The following MBD5 variants were observed in gnomAD, a reference collection of about 807,000 sequenced individuals.
The protein encoded by MBD5 is methyl-CpG binding domain protein 5.
In MBD5, 13 loss-of-function variants were observed where a neutral mutation model predicts 117.3. That is an observed-to-expected ratio of 0.11 (90% CI 0.07 to 0.18). The LOEUF is 0.18. Among genes scored for constraint, MBD5 ranks in the 10% least tolerant of loss-of-function variants. MBD5 has a pLI of 1.00. For synonymous variants in MBD5, 727 were observed against 766.4 expected (o/e 0.95, Z 0.85); for missense variants, 1,879 against 2,093.8 (o/e 0.90, Z 2.00).
intron 4 of MBD5, among the ~76,000 whole-genome samples, chr2:148,372,605 T>A (rs1334397298): frequency 6.6e-6 from 1 of 151,944 alleles, no homozygotes; most frequent in Non-Finnish European, 1.5e-5. Flanking sequence ...TTATGATATG[T>A]TGTTTGAGAA....
At chr2:148,141,361 A>G (rs931154333) in intron 1 of MBD5, among the ~76,000 whole-genome samples, 2 of 152,138 alleles carry the variant, frequency 1.3e-5, no homozygotes, top group South Asian at 2.1e-4. Flanking sequence ...TTAACCCCCA[A>G]TAAACTCCAC....
Position 148,152,344 on chromosome 2 carries a change from A to G in MBD5, c.-924-26356A>G, listed in dbSNP as rs1016732625. On this transcript the variant is annotated intron_variant, in intron 1 of 13. Transcript: ENST00000642680. ...CTCTGTTCTTTTACATTTGCTGAGG[A>G]GAGCTTTACTTCCAAGTTTGTGGTC... 3.3e-5 allele frequency among the ~76,000 whole-genome samples: 5 copies of G among 152,226 alleles called. No homozygotes were observed. In the East Asian group the frequency reaches 9.7e-4, roughly 29 times the overall value.
At chr2:148,429,760 A>G (rs1705926037) in intron 4 of MBD5, among the ~76,000 whole-genome samples, 1 of 152,016 alleles carries the variant, frequency 6.6e-6, no homozygotes, top group Non-Finnish European at 1.5e-5. Flanking sequence ...AAAACCAAAC[A>G]CCATATGTTC....
At chr2:148,149,787 G>C (rs1697590665) in intron 1 of MBD5, among the ~76,000 whole-genome samples, 1 of 151,830 alleles carries the variant, frequency 6.6e-6, no homozygotes, top group Non-Finnish European at 1.5e-5. Context: ...TGATGGGGTT[G>C]TTTGTTTTTT....
At chr2:148,294,373 C>T (rs1392686490) in intron 3 of MBD5, among the ~76,000 whole-genome samples, 12 of 150,824 alleles carry the variant, frequency 8.0e-5, no homozygotes, top group African/African-American at 2.7e-4. Flanking sequence ...TACAGGTGCC[C>T]GCCACCACGC....
intron 1 of MBD5, among the ~76,000 whole-genome samples, chr2:148,052,986 AG>A (rs1329723199): frequency 6.8e-6 from 1 of 147,452 alleles, no homozygotes; most frequent in African/African-American, 2.5e-5. Context: ...AAAAAAAGAG[AG>A]AGACAATGTG....
chr2:148,029,844 C>T (rs1693990560), intron 1 of MBD5, among the ~76,000 whole-genome samples: 1 of 151,904 alleles, frequency 6.6e-6, no homozygotes, highest in Non-Finnish European at 1.5e-5. Flanking sequence ...TTATTGACAT[C>T]CAAGTTTATA....
intron 3 of MBD5, among the ~76,000 whole-genome samples, chr2:148,293,391 G>A (rs1420411637): frequency 6.6e-6 from 1 of 152,118 alleles, no homozygotes; most frequent in Non-Finnish European, 1.5e-5. Flanking sequence ...CTTAAAGAAT[G>A]TAATGGTTTA....
chr2:148,384,159 G>A (rs1704260732), intron 4 of MBD5, among the ~76,000 whole-genome samples: 1 of 152,110 alleles, frequency 6.6e-6, no homozygotes. Context: ...TAGGAAAAGA[G>A]GAAGTCAAAT....
intron 3 of MBD5, among the ~76,000 whole-genome samples, chr2:148,271,356 G>C (rs1442529977): frequency 6.6e-6 from 1 of 152,116 alleles, no homozygotes; most frequent in African/African-American, 2.4e-5. Flanking sequence ...TACAAGGTTA[G>C]GTACATCTGT....
chr2:148,156,596 A>G (rs529875041), intron 1 of MBD5, among the ~76,000 whole-genome samples: 88 of 152,318 alleles, frequency 5.8e-4, no homozygotes, highest in African/African-American at 2.1e-3. Context: ...ACCTGTTTAC[A>G]TGTTTAACTT....
intron 2 of MBD5, 126 bp downstream of exon 2, chr2:148,178,919 A>C: frequency 2.6e-6 from 1 of 391,556 alleles, no homozygotes; most frequent in Non-Finnish European, 4.5e-6. Context: ...TCACAACTGC[A>C]TTCATTCATA....
chr2:148,069,715 G>A lies in MBD5; in HGVS notation c.-925+48031G>A, dbSNP rs146508708. Among the ~76,000 whole-genome samples the A allele has an allele frequency of 7.0e-4, 107 of 152,030 alleles. 2 individuals are homozygous for A. Among genetic ancestry groups the A allele is most frequent in the Non-Finnish European group, 1.3e-3 (91 of 67,976 alleles). On this transcript the variant is annotated intron_variant, in intron 1 of 13. Coordinates refer to ENST00000642680, the MANE Select transcript of MBD5 (RefSeq NM_001378120.1). ...CTGAGTAAAAGCAAAGGACAAAGGT[G>A]GACTCTCCCTGAACACCTCTCTTTA...
chr2:148,155,846 C>T (rs1697859765), intron 1 of MBD5, among the ~76,000 whole-genome samples: 2 of 152,210 alleles, frequency 1.3e-5, no homozygotes, highest in Admixed American at 6.5e-5. Context: ...AGGGCAAGCA[C>T]TCTTAGTAGC....
At chr2:148,494,757 C>T (rs919437637) in intron 11 of MBD5, among the ~76,000 whole-genome samples, 4 of 152,078 alleles carry the variant, frequency 2.6e-5, no homozygotes, top group Admixed American at 6.6e-5. Context: ...GTCAGGAGAT[C>T]CAGACCATCC....
chr2:148,496,599 T>C (rs992386716), intron 11 of MBD5, among the ~76,000 whole-genome samples: 22 of 152,248 alleles, frequency 1.4e-4, no homozygotes, highest in Non-Finnish European at 2.9e-4. Flanking sequence ...ACATGAACTT[T>C]TAAACATTGT....
chr2:148,390,505 GTGTA>G (rs1383427508), intron 4 of MBD5, among the ~76,000 whole-genome samples: 2 of 148,078 alleles, frequency 1.4e-5, no homozygotes, highest in Non-Finnish European at 3.0e-5. Context: ...ATATATGTGT[GTGTA>G]TGTATATATG....
intron 1 of MBD5, chr2:148,056,028 A>C (rs188058204): frequency 1.7e-3 from 254 of 152,302 alleles, no homozygotes; most frequent in African/African-American, 5.9e-3. Context: ...TTTTATGTCC[A>C]AGACCATGGA....
intron 1 of MBD5, among the ~76,000 whole-genome samples, chr2:148,153,819 G>T (rs1362735613): frequency 9.3e-6 from 1 of 107,708 alleles, no homozygotes; most frequent in Admixed American, 1.1e-4. Context: ...CTCTGTATTG[G>T]TTATTCTAGT....
Sources: gnomAD v4.1 joint callset for allele counts (sites outside exome capture counted in the v4.1 genomes callset) on GRCh38, gnomAD v4.1.1 for gene constraint, MANE v1.5 for transcripts, NCBI Gene and HGNC (gene_info 2026-07-23, HGNC 2026-07-21) for gene names.